The following CLTCL1 variants were observed in gnomAD, a reference collection of about 807,000 sequenced individuals.
CLTCL1 encodes clathrin heavy chain like 1.
CLTCL1 carries 159 observed loss-of-function variants against 190.0 expected under a neutral mutation model. That is an observed-to-expected ratio of 0.84 (90% CI 0.74 to 0.95). CLTCL1 has a LOEUF of 0.95. CLTCL1 is among the 40% of genes least tolerant of loss of function. CLTCL1 has a pLI of 0.00. For synonymous variants in CLTCL1, 752 were observed against 769.6 expected, an observed-to-expected ratio of 0.98 and a Z score of 0.38; for missense variants, 1,878 against 2,033.4, an observed-to-expected ratio of 0.92 and a Z score of 1.47.
chr22:19,206,699 A>T (rs782652699), intron 22 of CLTCL1, among the ~76,000 whole-genome samples: 27 of 152,136 alleles, frequency 1.8e-4, no homozygotes, highest in Non-Finnish European at 3.1e-4. Flanking sequence ...GGCCTCCCAA[A>T]GTGCTGGGAT....
intron 1 of CLTCL1, among the ~76,000 whole-genome samples, chr22:19,290,614 G>C (rs1416798062): frequency 6.6e-6 from 1 of 152,170 alleles, no homozygotes; most frequent in African/African-American, 2.4e-5. Flanking sequence ...CCAGTCTGCA[G>C]AATGAGGGGA....
At chr22:19,265,176 A>G (rs2087081158) in intron 2 of CLTCL1, among the ~76,000 whole-genome samples, 1 of 152,228 alleles carries the variant, frequency 6.6e-6, no homozygotes, top group Non-Finnish European at 1.5e-5. Context: ...AGCTATAACT[A>G]TATTATCAAC....
intron 3 of CLTCL1, among the ~76,000 whole-genome samples, chr22:19,248,546 A>G (rs1348101103): frequency 6.6e-6 from 1 of 152,122 alleles, no homozygotes. Context: ...TTAGCATTCA[A>G]TCCTCATTCC....
rs782321874 is a variant in CLTCL1 at position 19,242,956 on chromosome 22, A to C, written c.520-20T>G. 3.1e-6 allele frequency: 5 copies of C among 1,601,172 alleles called. No homozygotes were observed. Among genetic ancestry groups the C allele is most frequent in the Non-Finnish European group, 2.6e-6 (3 of 1,171,276 alleles). On this transcript the variant is annotated intron_variant, in intron 3 of 32. Coordinates refer to ENST00000427926, the MANE Select transcript of CLTCL1 (RefSeq NM_007098.4). ...GTTTTGCTAAGAAAAGATATTATGCAATGAAAGGGAGAGAAAAGAGAGGAA... is the reference window on the plus strand; with the variant it reads ...GTTTTGCTAAGAAAAGATATTATGCCATGAAAGGGAGAGAAAAGAGAGGAA...
At chr22:19,191,467 G>T (rs782256399) in intron 26 of CLTCL1, 32 bp from the exon 27 acceptor site, 15 of 1,608,846 alleles carry the variant, frequency 9.3e-6, no homozygotes, top group Non-Finnish European at 1.2e-5. Context: ...GTCAGTCCCT[G>T]CCGCTGTCTC....
Position 19,239,320 on chromosome 22 carries a change from C to A in CLTCL1, c.750G>T (p.Val250=). The A allele has an allele frequency of 6.2e-7, 1 of 1,614,054 alleles. No homozygotes were observed. The highest frequency in any genetic ancestry group is 8.5e-7 in the Non-Finnish European group (1 of 1,179,898). The change falls in exon 5 of 33, where the codon GTG becomes GTT. Residue 250 remains valine, a synonymous_variant. Transcript: ENST00000427926. ...CATTCTGTGCCTCTGGAGGAAAAAA[C>A]ACATCTACTGCTTTCTTTACAAAAG... The part of the protein sequence containing the change: ...NQPFVKKAVD[V]FFPPEAQNDF...
At chr22:19,266,156 T>G (rs1298226483) in intron 2 of CLTCL1, among the ~76,000 whole-genome samples, 1 of 145,378 alleles carries the variant, frequency 6.9e-6, no homozygotes, top group Non-Finnish European at 1.5e-5. Flanking sequence ...GTGCTGGGAT[T>G]ACAGGTATGA....
intron 24 of CLTCL1, 76 bp from the exon 25 acceptor site, chr22:19,196,732 C>T: frequency 6.6e-7 from 1 of 1,503,766 alleles, no homozygotes; most frequent in Non-Finnish European, 9.0e-7. Context: ...CATGCCCACG[C>T]CGCAGGGACT....
chr22:19,248,211 C>T (rs1010878774), intron 3 of CLTCL1, among the ~76,000 whole-genome samples: 1 of 151,956 alleles, frequency 6.6e-6, no homozygotes, highest in Non-Finnish European at 1.5e-5. Context: ...GCAGTAGAAT[C>T]GCTTGAACCC....
intron 2 of CLTCL1, among the ~76,000 whole-genome samples, chr22:19,256,354 C>CTTTTTT (rs1239133099): frequency 1.1e-4 from 11 of 104,340 alleles, no homozygotes; most frequent in Non-Finnish European, 1.3e-4. Flanking sequence ...TTTCTTTTAT[C>CTTTTTT]TTTTTTTTTT....
At chr22:19,231,827 T>C (rs963322748) in intron 10 of CLTCL1, among the ~76,000 whole-genome samples, 13 of 152,130 alleles carry the variant, frequency 8.5e-5, no homozygotes, top group Admixed American at 8.5e-4. Flanking sequence ...GCTAAGTAAA[T>C]TTGTCTCAAA....
Position 19,282,654 on chromosome 22 carries a change from G to GA in CLTCL1, c.43-6825dup, listed in dbSNP as rs1343745049. Among the ~76,000 whole-genome samples the GA allele has an allele frequency of 6.6e-5, 10 of 150,866 alleles. No individual in the cohort carries two copies. The East Asian group carries it at 2.0e-3, about 29-fold the overall frequency. The stretch of plus-strand genomic sequence containing the variant: ...AAAAAAAAAAAAAGAAAAAGAAAAA[G>GA]AAAAAAAGAAATGGGCAAGGGTAGT... On this transcript the variant is annotated intron_variant, in intron 1 of 32. Transcript: ENST00000427926.
At chr22:19,204,923 C>A (rs1277482215) in intron 22 of CLTCL1, among the ~76,000 whole-genome samples, 2 of 152,180 alleles carry the variant, frequency 1.3e-5, no homozygotes, top group Non-Finnish European at 2.9e-5. Flanking sequence ...CTCTGCCCCA[C>A]CCAGCCGGCC....
Position 19,254,313 on chromosome 22 carries a change from T to C in CLTCL1, c.251-86A>G. On this transcript the variant is annotated intron_variant, in intron 2 of 32. Transcript: ENST00000427926. ...ATATACTCTTAATTCTGAATTCTTT[T>C]AATATTACTTTAGGTTGTACTGCTA... The C allele has an allele frequency of 3.4e-6, 4 of 1,174,746 alleles. No homozygotes were observed. In the South Asian group the frequency reaches 6.1e-5, roughly 18 times the overall value. The allele number at this position is 1,174,746 out of a possible 1,614,324, so 72.8% of individuals were successfully genotyped here. A position where few individuals can be genotyped will look rare whatever the true frequency, so the allele number is the denominator to read the frequency against.
chr22:19,187,895 A>C (rs1207305605), intron 28 of CLTCL1, 86 bp downstream of exon 28: 47 of 1,447,820 alleles, frequency 3.2e-5, no homozygotes, highest in African/African-American at 5.6e-5. Flanking sequence ...CCTCCTGTGC[A>C]AAGGCAGCCT....
intron 27 of CLTCL1, 38 bp from the exon 28 acceptor site, chr22:19,188,129 G>A: frequency 6.3e-7 from 1 of 1,584,736 alleles, no homozygotes; most frequent in Non-Finnish European, 8.7e-7. Flanking sequence ...ACTTGGCCAA[G>A]CTTGTTATGG....
chr22:19,234,496 C>T lies in CLTCL1; in HGVS notation c.1167+13G>A. 1 of 1,603,272 alleles carries T rather than the reference C, an allele frequency of 6.2e-7. No individual in the cohort carries two copies. The highest frequency in any genetic ancestry group is 1.1e-5 in the South Asian group (1 of 89,890). ...ACACTCAGAACACTTGAACAGTATT[C>T]AAGGTTTATCACCTTTGGTGCAGAC... On this transcript the variant is annotated intron_variant, in intron 7 of 32. Coordinates refer to ENST00000427926, the MANE Select transcript of CLTCL1 (RefSeq NM_007098.4).
At chr22:19,200,002 C>T (rs2084830122) in intron 23 of CLTCL1, among the ~76,000 whole-genome samples, 161 bp from the exon 24 acceptor site, 1 of 152,074 alleles carries the variant, frequency 6.6e-6, no homozygotes, top group Admixed American at 6.5e-5. Context: ...TTGTACAAGA[C>T]TGGGAGAAAA....
chr22:19,257,636 T>G, intron 2 of CLTCL1: 1 of 433,218 alleles, frequency 2.3e-6, no homozygotes, highest in Non-Finnish European at 4.3e-6. Flanking sequence ...TCTATGCAGA[T>G]GTAAGGGATT....
Sources: gnomAD v4.1 joint callset for allele counts (sites outside exome capture counted in the v4.1 genomes callset) on GRCh38, gnomAD v4.1.1 for gene constraint, MANE v1.5 for transcripts, NCBI Gene and HGNC (gene_info 2026-07-23, HGNC 2026-07-21) for gene names.